Variants in GALNTL6 observed in about 807,000 individuals in gnomAD.
The protein encoded by GALNTL6 is polypeptide N-acetylgalactosaminyltransferase like 6, also known as polypeptide N-acetylgalactosaminyltransferase-like 6.
A neutral mutation model predicts 73.7 loss-of-function variants in GALNTL6; 46 were observed. The observed-to-expected ratio is 0.62, with a 90% confidence interval of 0.49 to 0.80. GALNTL6 has a LOEUF of 0.80. Ranked by LOEUF, GALNTL6 falls within the 30% of genes least tolerant of loss-of-function variation. The pLI is 0.00. For missense variants in GALNTL6, 604 were observed against 755.0 expected (o/e 0.80, Z 2.34); for synonymous variants, 259 against 263.7 (o/e 0.98, Z 0.17).
chr4:172,088,570 T>C (rs1189514202), intron 2 of GALNTL6, among the ~76,000 whole-genome samples: 1 of 152,212 alleles, frequency 6.6e-6, no homozygotes, highest in African/African-American at 2.4e-5. Flanking sequence ...CAATGGTTAA[T>C]AAATAATTTC....
At chr4:172,201,404 A>G (rs753853993) in intron 2 of GALNTL6, among the ~76,000 whole-genome samples, 45 of 151,992 alleles carry the variant, frequency 3.0e-4, no homozygotes, top group Middle Eastern at 3.4e-3. Context: ...ATGGGGTTTC[A>G]TCATGTTGGC....
intron 4 of GALNTL6, among the ~76,000 whole-genome samples, chr4:172,347,309 A>T (rs1741782357): frequency 6.6e-6 from 1 of 152,014 alleles, no homozygotes; most frequent in South Asian, 2.1e-4. Flanking sequence ...GGGTTATAGG[A>T]TATTACTCTG....
intron 2 of GALNTL6, among the ~76,000 whole-genome samples, chr4:171,989,241 T>C (rs1299519459): frequency 5.3e-5 from 8 of 152,010 alleles, no homozygotes; most frequent in Non-Finnish European, 8.8e-5. Context: ...ACTCAAAGCT[T>C]GGTGTCCGTG....
At chr4:172,932,908 C>G (rs567450498) in intron 9 of GALNTL6, among the ~76,000 whole-genome samples, 1 of 152,166 alleles carries the variant, frequency 6.6e-6, no homozygotes, top group South Asian at 2.1e-4. Context: ...TAGTAATATT[C>G]CTGCTTTCCT....
chr4:172,834,482 A>T (rs1380215), intron 7 of GALNTL6, among the ~76,000 whole-genome samples: 1 of 152,214 alleles, frequency 6.6e-6, no homozygotes, highest in Non-Finnish European at 1.5e-5. Flanking sequence ...ATAGGTCAAG[A>T]GGGCAGAGCA....
intron 2 of GALNTL6, among the ~76,000 whole-genome samples, chr4:172,014,062 T>C (rs1166708112): frequency 2.0e-5 from 3 of 152,148 alleles, no homozygotes. Context: ...CATTCTTTTT[T>C]ATGGCTCAGT....
chr4:172,042,455 T>G (rs192161905), intron 2 of GALNTL6, among the ~76,000 whole-genome samples: 1 of 152,026 alleles, frequency 6.6e-6, no homozygotes, highest in Non-Finnish European at 1.5e-5. Flanking sequence ...TATATCCAAT[T>G]GCTCATTAAG....
At chr4:172,847,653 T>A (rs926672667) in intron 7 of GALNTL6, among the ~76,000 whole-genome samples, 1 of 152,200 alleles carries the variant, frequency 6.6e-6, no homozygotes, top group Non-Finnish European at 1.5e-5. Flanking sequence ...GGCACTATCC[T>A]AAGTATTAGG....
At chr4:172,290,564 A>G (rs1213815295) in intron 3 of GALNTL6, among the ~76,000 whole-genome samples, 1 of 152,098 alleles carries the variant, frequency 6.6e-6, no homozygotes, top group African/African-American at 2.4e-5. Context: ...TCTCCAAGTT[A>G]TATAGTCTTT....
At chr4:172,583,872 C>T (rs1168927214) in intron 5 of GALNTL6, among the ~76,000 whole-genome samples, 15 of 130,228 alleles carry the variant, frequency 1.2e-4, no homozygotes, top group Middle Eastern at 4.6e-3. Flanking sequence ...CAGCCTGGGC[C>T]GACAGAGCGA....
intron 5 of GALNTL6, among the ~76,000 whole-genome samples, chr4:172,479,024 G>A (rs1001537882): frequency 1.3e-5 from 2 of 152,172 alleles, no homozygotes; most frequent in African/African-American, 4.8e-5. Flanking sequence ...ATAGATGTTG[G>A]TGTGGATGTG....
Position 172,743,971 on chromosome 4 carries a change from C to T in GALNTL6, c.554-65390C>T, listed in dbSNP as rs556245041. ...ATCTTTTAAGTGGCATTCATCTTAG[C>T]GGTTCCAGAGGGATATCATATTGCT... On this transcript the variant is annotated intron_variant, in intron 5 of 12. Transcript: ENST00000506823. 2.3e-4 allele frequency among the ~76,000 whole-genome samples: 35 copies of T among 152,164 alleles called. 1 individual carries two copies. In the South Asian group the frequency reaches 5.4e-3, roughly 23 times the overall value.
At chr4:172,022,904 T>A (rs1279620056) in intron 2 of GALNTL6, among the ~76,000 whole-genome samples, 1 of 152,058 alleles carries the variant, frequency 6.6e-6, no homozygotes, top group Non-Finnish European at 1.5e-5. Flanking sequence ...ACAATTCCAT[T>A]CTAAATCTTC....
At chr4:172,716,485 G>A (rs868371104) in intron 5 of GALNTL6, among the ~76,000 whole-genome samples, 3 of 75,816 alleles carry the variant, frequency 4.0e-5, no homozygotes, top group Middle Eastern at 5.6e-3. Flanking sequence ...GATGACTGAC[G>A]CCCAGAGTAC....
chr4:172,612,056 A>G (rs1423367587), intron 5 of GALNTL6, among the ~76,000 whole-genome samples: 1 of 152,064 alleles, frequency 6.6e-6, no homozygotes, highest in African/African-American at 2.4e-5. Flanking sequence ...GGAGGAAGAT[A>G]AAGCATAAAG....
At chr4:172,838,257 A>G (rs1343145519) in intron 7 of GALNTL6, among the ~76,000 whole-genome samples, 1 of 152,184 alleles carries the variant, frequency 6.6e-6, no homozygotes, top group African/African-American at 2.4e-5. Context: ...GAATCTTGAA[A>G]GGATGGGGCA....
chr4:171,924,542 T>C (rs1737915406), intron 2 of GALNTL6, among the ~76,000 whole-genome samples: 1 of 152,104 alleles, frequency 6.6e-6, no homozygotes. Flanking sequence ...ACACAGCAAA[T>C]TGTGATATAA....
chr4:172,101,403 A>T (rs1240270330), intron 2 of GALNTL6, among the ~76,000 whole-genome samples: 1 of 152,194 alleles, frequency 6.6e-6, no homozygotes, highest in South Asian at 2.1e-4. Flanking sequence ...GTTTCTTTGC[A>T]TTACTGTTCT....
chr4:172,586,886 A>G (rs1441931274), intron 5 of GALNTL6, among the ~76,000 whole-genome samples: 1 of 152,196 alleles, frequency 6.6e-6, no homozygotes, highest in South Asian at 2.1e-4. Context: ...ACGTCTCCTG[A>G]TTCCTTGTGC....
Sources: gnomAD v4.1 joint callset for allele counts (sites outside exome capture counted in the v4.1 genomes callset) on GRCh38, gnomAD v4.1.1 for gene constraint, MANE v1.5 for transcripts, NCBI Gene and HGNC (gene_info 2026-07-23, HGNC 2026-07-21) for gene names.